The following ZRANB3 variants were observed in gnomAD, a reference collection of about 807,000 sequenced individuals.
The protein encoded by ZRANB3 is zinc finger RANBP2-type containing 3.
Under a neutral mutation model 133.8 loss-of-function variants are expected in ZRANB3, and 125 were observed. That is an observed-to-expected ratio of 0.93 (90% CI 0.81 to 1.08). The LOEUF (loss-of-function observed/expected upper bound fraction) is 1.08, where lower values mean the gene tolerates loss of function less well. Among genes scored for constraint, ZRANB3 ranks in the 50% least tolerant of loss-of-function variants. ZRANB3 has a pLI of 0.00. For synonymous variants in ZRANB3, 387 were observed against 432.7 expected, an observed-to-expected ratio of 0.89 and a Z score of 1.31; for missense variants, 1,229 against 1,275.5, an observed-to-expected ratio of 0.96 and a Z score of 0.56.
intron 6 of ZRANB3, among the ~76,000 whole-genome samples, chr2:135,334,234 C>G (rs1242945077): frequency 6.6e-6 from 1 of 152,142 alleles, no homozygotes; most frequent in East Asian, 1.9e-4. Flanking sequence ...AAACTGTACT[C>G]TAAATGCAGT....
intron 12 of ZRANB3, among the ~76,000 whole-genome samples, chr2:135,237,505 G>C (rs1041771430): frequency 1.3e-5 from 2 of 150,830 alleles, no homozygotes; most frequent in Admixed American, 1.3e-4. Flanking sequence ...TGTTTATTGC[G>C]GCATTATTCA....
chr2:135,262,159 C>CAAA (rs755264566), intron 12 of ZRANB3, among the ~76,000 whole-genome samples: 43 of 63,794 alleles, frequency 6.7e-4, no homozygotes, highest in Middle Eastern at 9.4e-3. Context: ...ACTCCATCTC[C>CAAA]AAAAAAAAAA....
chr2:135,359,298 T>C (rs1685570349), intron 3 of ZRANB3, among the ~76,000 whole-genome samples: 1 of 152,086 alleles, frequency 6.6e-6, no homozygotes, highest in Non-Finnish European at 1.5e-5. Context: ...ATAATAAATT[T>C]CTTGGTTGGG....
intron 1 of ZRANB3, among the ~76,000 whole-genome samples, chr2:135,508,761 G>A (rs919265979): frequency 6.6e-6 from 1 of 151,966 alleles, no homozygotes; most frequent in Admixed American, 6.6e-5. Context: ...TAAAAAAGGT[G>A]TAATAAAGAA....
At chr2:135,265,814 T>G in intron 11 of ZRANB3, 128 bp from the exon 12 acceptor site, 1 of 968,478 alleles carries the variant, frequency 1.0e-6, no homozygotes, top group Non-Finnish European at 1.5e-6. Context: ...CAACATATCA[T>G]GGGCTTTAGT....
intron 2 of ZRANB3, among the ~76,000 whole-genome samples, chr2:135,482,675 G>C (rs1050009892): frequency 3.3e-5 from 5 of 152,306 alleles, no homozygotes; most frequent in East Asian, 1.9e-4. Flanking sequence ...TGGTGAGAGA[G>C]GGCATCCCTG....
chr2:135,523,615 G>C (rs1286771442), intron 1 of ZRANB3, among the ~76,000 whole-genome samples: 1 of 152,160 alleles, frequency 6.6e-6, no homozygotes, highest in East Asian at 1.9e-4. Flanking sequence ...TAAATCATTT[G>C]ATCCTCACAA....
intron 1 of ZRANB3, chr2:135,510,703 GTCT>G (rs1418952451): frequency 1.0e-5 from 8 of 798,798 alleles, no homozygotes; most frequent in Non-Finnish European, 1.8e-5. Flanking sequence ...GGCAGCTCGA[GTCT>G]TCTTCTCTTC....
At chr2:135,275,885 G>A in intron 8 of ZRANB3, 130 bp from the exon 9 acceptor site, 3 of 650,118 alleles carry the variant, frequency 4.6e-6, no homozygotes, top group South Asian at 1.0e-4. Context: ...TTGTTCTCTA[G>A]GTAGCCTAAG....
intron 2 of ZRANB3, among the ~76,000 whole-genome samples, chr2:135,412,956 A>G (rs1400893522): frequency 6.6e-6 from 1 of 152,206 alleles, no homozygotes; most frequent in African/African-American, 2.4e-5. Flanking sequence ...CTCTGGATCT[A>G]TTATGTACCT....
intron 1 of ZRANB3, among the ~76,000 whole-genome samples, chr2:135,523,843 A>G (rs1202297738): frequency 1.3e-5 from 2 of 152,208 alleles, no homozygotes. Context: ...GAGAATACAG[A>G]GGGTAGAACA....
chr2:135,210,746 C>T (rs767856638), intron 17 of ZRANB3, among the ~76,000 whole-genome samples: 26 of 152,120 alleles, frequency 1.7e-4, no homozygotes, highest in Non-Finnish European at 3.1e-4. Flanking sequence ...CCAGCCTGGC[C>T]AACATATTAG....
intron 12 of ZRANB3, among the ~76,000 whole-genome samples, chr2:135,256,106 G>A (rs1164539050): frequency 2.0e-5 from 3 of 151,676 alleles, no homozygotes; most frequent in African/African-American, 7.3e-5. Context: ...ATAAAAACAG[G>A]GTTTTGCCAT....
Position 135,350,226 on chromosome 2 carries a change from A to G in ZRANB3, c.360-11T>C. 2 of 1,551,972 alleles carry G rather than the reference A, an allele frequency of 1.3e-6. No individual in the cohort carries two copies. The highest frequency in any genetic ancestry group is 1.7e-6 in the Non-Finnish European group (2 of 1,144,318). On this transcript the variant is annotated splice_polypyrimidine_tract_variant and intron_variant, in intron 4 of 20. Transcript: ENST00000264159. The stretch of plus-strand genomic sequence containing the variant: ...CTGGTCGACATTCTCCTAGAAAAGA[A>G]AATCCATGTACTTAAAAAATATCTC...
chr2:135,523,168 G>A (rs748897427), intron 1 of ZRANB3, among the ~76,000 whole-genome samples: 36 of 152,086 alleles, frequency 2.4e-4, no homozygotes, highest in South Asian at 1.0e-3. Context: ...CTCAAACTGG[G>A]TTTCATTCTT....
At chr2:135,202,737 G>C (rs1343797845) in intron 20 of ZRANB3, 95 bp downstream of exon 20, 4 of 1,416,862 alleles carry the variant, frequency 2.8e-6, no homozygotes, top group Non-Finnish European at 3.8e-6. Context: ...TCAGACCAGA[G>C]ATAAATTCAT....
intron 2 of ZRANB3, among the ~76,000 whole-genome samples, chr2:135,391,051 G>C (rs1687210240): frequency 6.6e-6 from 1 of 152,020 alleles, no homozygotes; most frequent in African/African-American, 2.4e-5. Flanking sequence ...AGTAGAGAAG[G>C]GGTTTCACTA....
chr2:135,301,347 A>T (rs113044363), intron 8 of ZRANB3, among the ~76,000 whole-genome samples: 1 of 151,896 alleles, frequency 6.6e-6, no homozygotes, highest in African/African-American at 2.4e-5. Flanking sequence ...CACCATGCCC[A>T]GCTAATTTTT....
intron 8 of ZRANB3, among the ~76,000 whole-genome samples, chr2:135,305,139 G>A (rs891960762): frequency 6.6e-6 from 1 of 152,036 alleles, no homozygotes; most frequent in Non-Finnish European, 1.5e-5. Context: ...CACCGTGCCC[G>A]GCTAATGTTT....
Sources: gnomAD v4.1 joint callset for allele counts (sites outside exome capture counted in the v4.1 genomes callset) on GRCh38, gnomAD v4.1.1 for gene constraint, MANE v1.5 for transcripts, NCBI Gene and HGNC (gene_info 2026-07-23, HGNC 2026-07-21) for gene names.